The following CCDC178 variants were observed in gnomAD, a reference collection of about 807,000 sequenced individuals.
CCDC178 encodes the protein coiled-coil domain containing 178.
A neutral mutation model predicts 117.4 loss-of-function variants in CCDC178; 126 were observed. The observed-to-expected ratio is 1.07, with a 90% CI of 0.93 to 1.24. CCDC178 has a LOEUF of 1.24. Ranked by LOEUF, CCDC178 falls within the 50% of genes most tolerant of loss-of-function variation. The probability of loss-of-function intolerance (pLI) is 0.00; values close to 1 mark genes in which losing one functional copy is unlikely to be tolerated. For missense variants in CCDC178, 1,030 were observed against 986.9 expected (o/e 1.04, Z -0.59); for synonymous variants, 283 against 313.4 (o/e 0.90, Z 1.02).
At chr18:33,292,863 A>C (rs1256095216) in intron 12 of CCDC178, among the ~76,000 whole-genome samples, 2 of 152,050 alleles carry the variant, frequency 1.3e-5, no homozygotes, top group Non-Finnish European at 2.9e-5. Context: ...TCCAGACAGA[A>C]GTGCCAGGCT....
intron 21 of CCDC178, among the ~76,000 whole-genome samples, chr18:33,043,520 G>T (rs1449840413): frequency 6.6e-6 from 1 of 152,048 alleles, no homozygotes; most frequent in Non-Finnish European, 1.5e-5. Context: ...TTAGAATGGT[G>T]TGTGGCGTAT....
At chr18:33,118,118 C>T (rs1472167287) in intron 20 of CCDC178, among the ~76,000 whole-genome samples, 3 of 152,022 alleles carry the variant, frequency 2.0e-5, no homozygotes, top group African/African-American at 7.2e-5. Flanking sequence ...TATTGATAGG[C>T]CAATGCTCAT....
At chr18:33,354,976 C>G (rs1378460226) in intron 7 of CCDC178, among the ~76,000 whole-genome samples, 1 of 152,052 alleles carries the variant, frequency 6.6e-6, no homozygotes, top group Non-Finnish European at 1.5e-5. Flanking sequence ...TGAAACATCA[C>G]TTTTCTGCTT....
intron 21 of CCDC178, among the ~76,000 whole-genome samples, chr18:33,009,612 C>T (rs968053680): frequency 6.6e-6 from 1 of 152,154 alleles, no homozygotes; most frequent in African/African-American, 2.4e-5. Flanking sequence ...AGAATTCCAT[C>T]CCTTCCCCAA....
intron 11 of CCDC178, among the ~76,000 whole-genome samples, chr18:33,294,837 C>T (rs1044315926): frequency 1.3e-5 from 2 of 152,128 alleles, no homozygotes; most frequent in East Asian, 1.9e-4. Context: ...TGGACAATTG[C>T]CCACTGTCAT....
At chr18:33,145,783 A>C (rs1389203611) in intron 20 of CCDC178, among the ~76,000 whole-genome samples, 3 of 152,214 alleles carry the variant, frequency 2.0e-5, no homozygotes, top group Non-Finnish European at 4.4e-5. Flanking sequence ...TGATGGTGGA[A>C]CCAGAAGATG....
chr18:33,360,888 A>T (rs2144727593), intron 6 of CCDC178, among the ~76,000 whole-genome samples: 1 of 151,880 alleles, frequency 6.6e-6, no homozygotes, highest in South Asian at 2.1e-4. Flanking sequence ...AAATGGGAAG[A>T]ATTAATATTG....
rs140118066 is a variant in CCDC178, at chr18:33,329,771, A to G, written c.879+3403T>C. The stretch of plus-strand genomic sequence containing the variant: ...TAATTTACTTCCTTGTGATATATTT[A>G]TCAGGCTTTAGTAACTAGGTAATGC... On this transcript the variant is annotated intron_variant, in intron 10 of 22. Coordinates refer to ENST00000383096, the MANE Select transcript of CCDC178 (RefSeq NM_001105528.4). Among the ~76,000 whole-genome samples the G allele has an allele frequency of 2.1e-3, 322 of 152,074 alleles. 2 individuals are homozygous for G. The highest frequency in any genetic ancestry group is 7.2e-3 in the African/African-American group (298 of 41,496).
chr18:33,213,967 T>TG (rs1375807828), intron 19 of CCDC178, among the ~76,000 whole-genome samples: 1 of 152,052 alleles, frequency 6.6e-6, no homozygotes, highest in African/African-American at 2.4e-5. Context: ...GAGTTCTCAA[T>TG]AAATAATAAG....
intron 21 of CCDC178, among the ~76,000 whole-genome samples, chr18:33,016,139 A>G (rs1044814249): frequency 6.6e-6 from 1 of 152,170 alleles, no homozygotes; most frequent in African/African-American, 2.4e-5. Context: ...AGAGAAAAAA[A>G]GTAAATCATG....
chr18:33,215,694 C>T lies in CCDC178; in HGVS notation c.1934G>A (p.Ser645Asn), dbSNP rs752191887. Reference sequence around the variant, plus strand: ...GTCTTTAAAAATTGCTGAGCGTTTACTCTGAAAAAAAATATACACAAGTGT... The same window carrying T: ...GTCTTTAAAAATTGCTGAGCGTTTATTCTGAAAAAAAATATACACAAGTGT... The part of the protein sequence containing the change: ...KTLDALIETE[S>N]KRSAIFKDLE... Residue 645 changes from serine (S) to asparagine (N), a missense_variant and splice_region_variant, in exon 19 of 23, where the codon AGT becomes AAT. Physicochemically the swap from Ser to Asn is conservative, Grantham distance 46. Transcript: ENST00000383096. 6 of 1,510,992 alleles carry T rather than the reference C, an allele frequency of 4.0e-6. No individual in the cohort carries two copies. The highest frequency in any genetic ancestry group is 1.5e-5 in the African/African-American group (1 of 68,228). The allele number at this position is 1,510,992 out of a possible 1,614,324, so 93.6% of individuals were successfully genotyped here.
chr18:33,215,819 G>T, intron 18 of CCDC178, 124 bp from the exon 19 acceptor site: 1 of 646,574 alleles, frequency 1.5e-6, no homozygotes, highest in Non-Finnish European at 2.4e-6. Context: ...ACACCTGATG[G>T]CTCACTCCTG....
rs1599174361 is a variant in CCDC178 at position 33,332,583 on chromosome 18, T to C, written c.879+591A>G. On this transcript the variant is annotated intron_variant, in intron 10 of 22. Transcript: ENST00000383096. ...TTTTTCTGAAGTTCTTGTTTTGTTT[T>C]GCTTTGCTTTGAGACAGGGTCTCAC... Among the ~76,000 whole-genome samples, 5 of 152,304 alleles carry C rather than the reference T, an allele frequency of 3.3e-5. 1 individual carries two copies. The highest frequency in any genetic ancestry group is 3.3e-4 in the Admixed American group (5 of 15,288).
intron 22 of CCDC178, among the ~76,000 whole-genome samples, chr18:32,970,691 T>G (rs770865463): frequency 4.6e-5 from 7 of 151,992 alleles, no homozygotes; most frequent in Non-Finnish European, 7.4e-5. Flanking sequence ...AAGATAGACA[T>G]AGGGTATTAT....
chr18:33,415,586 T>C lies in CCDC178; in HGVS notation c.-22-3476A>G, dbSNP rs372016911. Among the ~76,000 whole-genome samples, 9 of 152,098 alleles carry C rather than the reference T, an allele frequency of 5.9e-5. No individual in the cohort carries two copies. In the South Asian group the frequency reaches 6.2e-4, roughly 11 times the overall value. ...GGATGGGGGATAGCATTAGGAGATA[T>C]ACCTAATGTAAATGACGAGTTAACG... On this transcript the variant is annotated intron_variant, in intron 2 of 22. Coordinates refer to ENST00000383096, the MANE Select transcript of CCDC178 (RefSeq NM_001105528.4).
intron 21 of CCDC178, among the ~76,000 whole-genome samples, chr18:32,995,923 A>ATATC (rs2055494647): frequency 6.6e-6 from 1 of 151,434 alleles, no homozygotes. Flanking sequence ...ATCTATATCT[A>ATATC]TATCTATATC....
intron 3 of CCDC178, 106 bp downstream of exon 3, chr18:33,411,925 T>C (rs1483954697): frequency 1.1e-5 from 6 of 557,084 alleles, no homozygotes; most frequent in Non-Finnish European, 1.9e-5. Context: ...GTGACCATTA[T>C]CTTGGAAAAG....
At chr18:33,376,358 G>A (rs1328553281) in intron 5 of CCDC178, among the ~76,000 whole-genome samples, 1 of 152,136 alleles carries the variant, frequency 6.6e-6, no homozygotes, top group African/African-American at 2.4e-5. Flanking sequence ...GTAACAAAAT[G>A]ATAAGAAAGT....
intron 6 of CCDC178, among the ~76,000 whole-genome samples, chr18:33,363,776 T>G (rs1290075280): frequency 1.3e-5 from 2 of 152,106 alleles, no homozygotes; most frequent in African/African-American, 4.8e-5. Flanking sequence ...CATGTAATTA[T>G]GGATATTCAT....
Sources: allele counts gnomAD v4.1 joint callset (sites outside exome capture counted in the v4.1 genomes callset), GRCh38; gene constraint gnomAD v4.1.1; transcripts MANE v1.5; gene names NCBI Gene and HGNC (gene_info 2026-07-23, HGNC 2026-07-21).